Variants in USP7 observed in about 807,000 individuals in gnomAD.
USP7 encodes ubiquitin C-terminal hydrolase 7.
USP7 carries 9 observed loss-of-function variants against 162.9 expected under a neutral mutation model. That is an observed-to-expected ratio of 0.06 (90% confidence interval 0.03 to 0.10). The LOEUF is 0.10. USP7 is among the 10% of genes least tolerant of loss of function. The pLI is 1.00. For synonymous variants in USP7, 562 were observed against 475.9 expected (o/e 1.18, Z -2.35); for missense variants, 715 against 1,373.7 (o/e 0.52, Z 7.58).
At position 8,902,500 on chromosome 16, in the gene USP7, A is replaced by G. The variant is rs770448781; in HGVS notation, c.1840-18T>C. 1 of 1,606,648 alleles carries G rather than the reference A, an allele frequency of 6.2e-7. No individual in the cohort carries two copies. On this transcript the variant is annotated intron_variant, in intron 16 of 30. Coordinates refer to ENST00000344836, the MANE Select transcript of USP7 (RefSeq NM_003470.3). ...GGAAATCCCTGAAAAAAATATTAAGAGTAGATTAAAATAAAAACACGCTCA... is the reference window on the plus strand; with the variant it reads ...GGAAATCCCTGAAAAAAATATTAAGGGTAGATTAAAATAAAAACACGCTCA...
intron 1 of USP7, among the ~76,000 whole-genome samples, chr16:8,941,684 G>A (rs1490536265): frequency 5.9e-5 from 9 of 152,220 alleles, no homozygotes; most frequent in African/African-American, 2.2e-4. Context: ...CCGTGTTGGT[G>A]TGGTGAGGAG....
chr16:8,902,574 T>A (rs922477033), intron 16 of USP7, 92 bp from the exon 17 acceptor site: 15 of 1,005,952 alleles, frequency 1.5e-5, no homozygotes, highest in Non-Finnish European at 2.0e-5. Flanking sequence ...CATATACATA[T>A]ATATATATAG....
chr16:8,962,364 A>C (rs2141271870), intron 1 of USP7: 1 of 225,748 alleles, frequency 4.4e-6, no homozygotes. Context: ...CCCTAAATCC[A>C]ACACCCTTCT....
At chr16:8,923,181 A>C (rs1454974208) in intron 3 of USP7, 34 bp downstream of exon 3, 1 of 74,696 alleles carries the variant, frequency 1.3e-5, no homozygotes, top group East Asian at 2.5e-4. Context: ...TAGGCTGATC[A>C]AATTTGGCTT....
chr16:8,963,321 GC>G lies in USP7; in HGVS notation c.-37del, dbSNP rs1900097795. ...GCCTGGGCCTCGCCTGCGGCCGGGG[GC>G]CGGGGCTGCGAGCCCGGCGGGCGGG... On this transcript the variant is annotated 5_prime_UTR_variant, in exon 1 of 31. Transcript: ENST00000344836. The G allele has an allele frequency of 1.1e-6, 1 of 927,152 alleles. No homozygotes were observed. The highest frequency in any genetic ancestry group is 1.8e-5 in the African/African-American group (1 of 55,574). 57.4% of individuals were successfully genotyped at this position (927,152 alleles called of 1,614,324 possible).
chr16:8,955,306 G>A (rs1596416646), intron 1 of USP7, among the ~76,000 whole-genome samples: 2 of 152,236 alleles, frequency 1.3e-5, no homozygotes, highest in African/African-American at 4.8e-5. Context: ...GTGCAGTGAT[G>A]CAATCTTGGC....
chr16:8,900,024 C>A, intron 21 of USP7: 1 of 534,172 alleles, frequency 1.9e-6, no homozygotes, highest in Non-Finnish European at 3.3e-6. Context: ...GTAACAGCAC[C>A]TGCTCTCCTC....
At chr16:8,898,902 G>A (rs560679797) in intron 23 of USP7, among the ~76,000 whole-genome samples, 1 of 152,230 alleles carries the variant, frequency 6.6e-6, no homozygotes, top group Admixed American at 6.5e-5. Flanking sequence ...CACTGAGGAT[G>A]TATCTAAAGT....
At chr16:8,956,754 C>T (rs1054095163) in intron 1 of USP7, among the ~76,000 whole-genome samples, 20 of 148,920 alleles carry the variant, frequency 1.3e-4, no homozygotes, top group African/African-American at 4.9e-4. Flanking sequence ...CGAATTAAGA[C>T]TTCGTATTAA....
At chr16:8,897,529 T>G (rs1437546406) in intron 25 of USP7, among the ~76,000 whole-genome samples, 1 of 151,278 alleles carries the variant, frequency 6.6e-6, no homozygotes, top group Non-Finnish European at 1.5e-5. Flanking sequence ...CCCTCTATAC[T>G]TGTAGAGCTA....
At chr16:8,934,813 C>G (rs1344717593) in intron 1 of USP7, among the ~76,000 whole-genome samples, 1 of 152,250 alleles carries the variant, frequency 6.6e-6, no homozygotes, top group Non-Finnish European at 1.5e-5. Flanking sequence ...CGGCCACCAA[C>G]AGCCCTATGG....
chr16:8,943,968 CA>C (rs1899166545), intron 1 of USP7, among the ~76,000 whole-genome samples: 1 of 152,014 alleles, frequency 6.6e-6, no homozygotes. Context: ...GGTTTTAAAG[CA>C]AAACTATAAG....
chr16:8,955,237 T>C (rs8054659), intron 1 of USP7, among the ~76,000 whole-genome samples: 45,618 of 152,180 alleles, frequency 0.3, 7,761 homozygotes, highest in African/African-American at 0.45. Flanking sequence ...ATTAATCTGT[T>C]TGCATTTCAT....
chr16:8,895,654 C>T lies in USP7; in HGVS notation c.2907G>A (p.Thr969=), dbSNP rs61731196. The change falls in exon 27 of 31, where the codon ACG becomes ACA. Residue 969 remains threonine, a synonymous_variant. Coordinates refer to ENST00000344836, the MANE Select transcript of USP7 (RefSeq NM_003470.3). ...CGGGGACAGATACCTCTATTCGAAA[C>T]GTCCGGCTCGTTGCAGGAGATAAAC... The part of the protein sequence containing the change: ...LECLSPATSR[T]FRIEEIPLDQ... 8.9e-3 allele frequency: 14,310 copies of T among 1,612,502 alleles called. 91 individuals are homozygous for T. Among genetic ancestry groups the T allele is most frequent in the Non-Finnish European group, 0.01 (12,159 of 1,179,426 alleles).
chr16:8,930,210 C>T (rs1458669156), intron 2 of USP7, 83 bp downstream of exon 2: 1 of 1,063,824 alleles, frequency 9.4e-7, no homozygotes, highest in Non-Finnish European at 1.4e-6. Context: ...CAAGGATGTA[C>T]CCAAGAAGTA....
chr16:8,908,273 G>A (rs771064279), intron 12 of USP7, 68 bp downstream of exon 12: 45 of 1,251,364 alleles, frequency 3.6e-5, no homozygotes, highest in Non-Finnish European at 5.0e-5. Context: ...ACTGAGGAAA[G>A]CACTGAGACT....
At chr16:8,958,540 T>C (rs1480415614) in intron 1 of USP7, among the ~76,000 whole-genome samples, 2 of 152,198 alleles carry the variant, frequency 1.3e-5, no homozygotes, top group East Asian at 1.9e-4. Context: ...AGTTCCAGCA[T>C]GAGGCAGCAA....
intron 1 of USP7, among the ~76,000 whole-genome samples, chr16:8,956,843 C>G (rs924565194): frequency 5.3e-5 from 8 of 152,164 alleles, no homozygotes; most frequent in East Asian, 1.9e-4. Context: ...GCCCAGCCCC[C>G]CCGCAGGCAG....
At chr16:8,917,255 T>C in intron 6 of USP7, 99 bp from the exon 7 acceptor site, 2 of 1,385,338 alleles carry the variant, frequency 1.4e-6, no homozygotes, top group Non-Finnish European at 1.9e-6. Flanking sequence ...AAATCATTTC[T>C]AATAACACAA....
Sources: gnomAD v4.1 joint callset for allele counts (sites outside exome capture counted in the v4.1 genomes callset) on GRCh38, gnomAD v4.1.1 for gene constraint, MANE v1.5 for transcripts, NCBI Gene and HGNC (gene_info 2026-07-23, HGNC 2026-07-21) for gene names.